The following KALRN variants were observed in gnomAD, a reference collection of about 807,000 sequenced individuals.
The protein encoded by KALRN is kalirin RhoGEF kinase.
Under a neutral mutation model 353.7 loss-of-function variants are expected in KALRN, and 70 were observed. The observed-to-expected ratio is 0.20, with a 90% CI of 0.16 to 0.24. KALRN has a LOEUF of 0.24. Among genes scored for constraint, KALRN ranks in the 10% least tolerant of loss-of-function variants. The pLI is 1.00. For missense variants in KALRN, 2,791 were observed against 3,756.7 expected, an observed-to-expected ratio of 0.74 and a Z score of 6.72; for synonymous variants, 1,391 against 1,434.8, an observed-to-expected ratio of 0.97 and a Z score of 0.69.
intron 1 of KALRN, among the ~76,000 whole-genome samples, chr3:124,132,756 C>T (rs566091719): frequency 1.5e-4 from 23 of 152,224 alleles, no homozygotes; most frequent in African/African-American, 4.8e-4. Flanking sequence ...ATTTTTGCCC[C>T]GTCTCACATT....
chr3:124,482,733 C>T lies in KALRN; in HGVS notation c.4192-75C>T, dbSNP rs1577310425. 5.2e-6 allele frequency: 5 copies of T among 956,294 alleles called. No homozygotes were observed. The East Asian group carries it at 1.2e-4, about 23-fold the overall frequency. 59.2% of individuals were successfully genotyped at this position (956,294 alleles called of 1,614,324 possible). A position where few individuals can be genotyped will look rare whatever the true frequency, so the allele number is the denominator to read the frequency against. On this transcript the variant is annotated intron_variant, in intron 27 of 59. Coordinates refer to ENST00000682506, the MANE Select transcript of KALRN (RefSeq NM_001388419.1). ...CTTTCTTCCTCTCTTCTGACCCCTG[C>T]CTTTCTCCTCTCAGAGTTCACACAC...
At chr3:124,639,729 T>C (rs1302639590) in intron 37 of KALRN, among the ~76,000 whole-genome samples, 1 of 152,240 alleles carries the variant, frequency 6.6e-6, no homozygotes, top group Non-Finnish European at 1.5e-5. Flanking sequence ...GTTGAATGAA[T>C]GTCCTTTCTG....
rs186931113 is a variant in KALRN at position 124,657,494 on chromosome 3, G to A, written c.5909G>A (p.Arg1970Gln). Residue 1970 changes from arginine (R) to glutamine (Q), a missense_variant, in exon 40 of 60, where the codon CGA (arginine) becomes CAA (glutamine). This residue lies in a region of KALRN where 1,065 missense variants were observed against 1,156.4 expected (regional missense o/e 0.92). Coordinates refer to ENST00000682506, the MANE Select transcript of KALRN (RefSeq NM_001388419.1). The part of the protein sequence containing the change: ...IEEKGVPEDM[R>Q]GKDKIVFGNI... ...GAAAAGGGTGTCCCTGAGGATATGC[G>A]AGGAAAGGACAAAATCGTGTTTGGA... is the stretch of plus-strand genomic sequence containing the variant. The A allele has an allele frequency of 1.1e-5, 18 of 1,614,092 alleles. No individual in the cohort carries two copies. The highest frequency in any genetic ancestry group is 1.6e-4 in the Middle Eastern group (1 of 6,062).
chr3:124,374,600 C>A (rs7644014), intron 10 of KALRN, among the ~76,000 whole-genome samples: 81,036 of 151,938 alleles, frequency 0.53, 22,296 homozygotes, highest in Middle Eastern at 0.66. Context: ...TCAGGAACAG[C>A]CTTTTCCTCT....
intron 3 of KALRN, among the ~76,000 whole-genome samples, chr3:124,246,453 G>A (rs2081128879): frequency 6.6e-6 from 1 of 152,120 alleles, no homozygotes; most frequent in Admixed American, 6.5e-5. Flanking sequence ...TCTAAAAAGG[G>A]CTTGCTTGTT....
intron 34 of KALRN, among the ~76,000 whole-genome samples, chr3:124,609,229 A>G (rs2077673163): frequency 6.6e-6 from 1 of 151,994 alleles, no homozygotes; most frequent in African/African-American, 2.4e-5. Flanking sequence ...ATGCTTATAT[A>G]TTACTTTTGA....
rs1561136771 is a variant in KALRN at position 124,495,988 on chromosome 3, TATATATATATATATATATATATATAC to T, written c.4833-321_4833-296del. The stretch of plus-strand genomic sequence containing the variant: ...ATGTATATATATATATATATATATA[TATATATATATATATATATATATATAC>T]ACACACATATATACATACATACACC... On this transcript the variant is annotated intron_variant, in intron 32 of 59. Coordinates refer to ENST00000682506, the MANE Select transcript of KALRN (RefSeq NM_001388419.1). Among the ~76,000 whole-genome samples the T allele has an allele frequency of 3.0e-4, 16 of 53,722 alleles. 1 individual carries two copies. The highest frequency in any genetic ancestry group is 4.9e-4 in the Non-Finnish European group (15 of 30,854). 35.2% of individuals were successfully genotyped at this position (53,722 alleles called of 152,430 possible).
At position 124,705,646 on chromosome 3, in the gene KALRN, C is replaced by T. The variant is rs2062566369; in HGVS notation, c.8075+3530C>T. Among the ~76,000 whole-genome samples, 10 of 152,152 alleles carry T rather than the reference C, an allele frequency of 6.6e-5. No individual in the cohort carries two copies. In the South Asian group the frequency reaches 2.1e-3, roughly 32 times the overall value. On this transcript the variant is annotated intron_variant, in intron 57 of 59. Transcript: ENST00000682506. Reference sequence around the variant, plus strand: ...GTGAAAACTGATGTCTGTGTTCAGCCTGCCATCCTTACCTGGAGGCCTGGT... The same window carrying T: ...GTGAAAACTGATGTCTGTGTTCAGCTTGCCATCCTTACCTGGAGGCCTGGT...
intron 33 of KALRN, among the ~76,000 whole-genome samples, chr3:124,513,523 G>GA (rs2066187346): frequency 6.6e-6 from 1 of 152,088 alleles, no homozygotes; most frequent in Non-Finnish European, 1.5e-5. Context: ...CAGCTCCCCC[G>GA]AACCCATTAC....
At chr3:124,411,064 A>G (rs1303474794) in intron 13 of KALRN, among the ~76,000 whole-genome samples, 1 of 152,218 alleles carries the variant, frequency 6.6e-6, no homozygotes, top group African/African-American at 2.4e-5. Context: ...ATGAATCTTG[A>G]TACAACATGT....
chr3:124,428,142 A>T (rs754513724), intron 15 of KALRN, among the ~76,000 whole-genome samples: 6 of 152,342 alleles, frequency 3.9e-5, no homozygotes, highest in Non-Finnish European at 7.3e-5. Context: ...ATGAACCTGG[A>T]AGATTAAAAA....
intron 45 of KALRN, among the ~76,000 whole-genome samples, chr3:124,665,140 A>G (rs1379595238): frequency 6.6e-6 from 1 of 152,210 alleles, no homozygotes; most frequent in African/African-American, 2.4e-5. Context: ...AAGGCATCAC[A>G]TGAAGGGAAT....
chr3:124,288,964 G>C (rs2076188599), intron 5 of KALRN, among the ~76,000 whole-genome samples: 1 of 152,194 alleles, frequency 6.6e-6, no homozygotes, highest in Non-Finnish European at 1.5e-5. Context: ...TTTGTTTTCT[G>C]TTGCTATAAA....
At chr3:124,187,700 GA>G (rs1416214290) in intron 1 of KALRN, among the ~76,000 whole-genome samples, 1 of 152,170 alleles carries the variant, frequency 6.6e-6, no homozygotes, top group Non-Finnish European at 1.5e-5. Flanking sequence ...GGATTAATTA[GA>G]GTGCCAAGGT....
chr3:124,368,798 G>C (rs1057206971), intron 10 of KALRN, among the ~76,000 whole-genome samples: 1 of 152,044 alleles, frequency 6.6e-6, no homozygotes, highest in Middle Eastern at 3.2e-3. Flanking sequence ...ACGAGACTCC[G>C]TCTGCAATCC....
intron 13 of KALRN, among the ~76,000 whole-genome samples, chr3:124,399,314 T>G (rs989280447): frequency 3.9e-5 from 6 of 152,080 alleles, no homozygotes; most frequent in Non-Finnish European, 5.9e-5. Flanking sequence ...AATTTTGTAT[T>G]TTTAGTAGAG....
chr3:124,321,308 G>A (rs1209855520), intron 6 of KALRN, among the ~76,000 whole-genome samples: 1 of 152,176 alleles, frequency 6.6e-6, no homozygotes, highest in Non-Finnish European at 1.5e-5. Flanking sequence ...ATCAGCCCCT[G>A]ACACATAACT....
intron 1 of KALRN, among the ~76,000 whole-genome samples, chr3:124,063,329 G>A (rs983996414): frequency 4.6e-5 from 7 of 152,194 alleles, no homozygotes; most frequent in African/African-American, 7.2e-5. Context: ...GGAGGGTGAC[G>A]GGGTCTGTGA....
chr3:124,103,825 A>G (rs1248979859), intron 1 of KALRN, among the ~76,000 whole-genome samples: 2 of 152,130 alleles, frequency 1.3e-5, no homozygotes, highest in African/African-American at 4.8e-5. Context: ...GTGTGACGGC[A>G]TACAACTATA....
Sources: allele counts gnomAD v4.1 joint callset (sites outside exome capture counted in the v4.1 genomes callset), GRCh38; gene constraint gnomAD v4.1.1; regional missense constraint gnomAD v4.1.1; transcripts MANE v1.5; gene names NCBI Gene and HGNC (gene_info 2026-07-23, HGNC 2026-07-21).